The following ZBTB16 variants were observed in gnomAD, a reference collection of about 807,000 sequenced individuals.
ZBTB16 encodes the protein zinc finger and BTB domain-containing protein 16.
A neutral mutation model predicts 56.8 loss-of-function variants in ZBTB16; 8 were observed. That is an observed-to-expected ratio of 0.14 (90% CI 0.08 to 0.25). ZBTB16 has a LOEUF of 0.25. Among genes scored for constraint, ZBTB16 ranks in the 10% least tolerant of loss-of-function variants. The pLI, the probability that ZBTB16 is intolerant of heterozygous loss-of-function variation, is 1.00. For synonymous variants in ZBTB16, 363 were observed against 368.5 expected (o/e 0.98, Z 0.17); for missense variants, 625 against 903.0 (o/e 0.69, Z 3.95).
intron 4 of ZBTB16, among the ~76,000 whole-genome samples, chr11:114,201,249 G>C (rs768993460): frequency 1.3e-5 from 2 of 152,136 alleles, no homozygotes; most frequent in Middle Eastern, 3.2e-3. Flanking sequence ...GTGGGAGGAG[G>C]GGGAGGAGGA....
At chr11:114,245,085 G>A (rs1361491460) in intron 5 of ZBTB16, among the ~76,000 whole-genome samples, 4 of 152,204 alleles carry the variant, frequency 2.6e-5, no homozygotes, top group Non-Finnish European at 4.4e-5. Flanking sequence ...GTGGGTTCGG[G>A]TGCACACACA....
chr11:114,163,934 T>C (rs1335703402), intron 3 of ZBTB16, among the ~76,000 whole-genome samples: 5 of 152,254 alleles, frequency 3.3e-5, no homozygotes, highest in African/African-American at 1.2e-4. Context: ...AGATTTTGCT[T>C]CCTGTAGAGC....
At chr11:114,196,764 T>C (rs1387729036) in intron 4 of ZBTB16, among the ~76,000 whole-genome samples, 2 of 151,224 alleles carry the variant, frequency 1.3e-5, no homozygotes, top group Non-Finnish European at 2.9e-5. Context: ...TGAACTTGCC[T>C]TAGGTACAGA....
At chr11:114,100,221 G>A (rs1245463595) in intron 2 of ZBTB16, among the ~76,000 whole-genome samples, 5 of 152,220 alleles carry the variant, frequency 3.3e-5, no homozygotes, top group Admixed American at 1.3e-4. Context: ...CTTTCTCCAC[G>A]TAATGCTAAA....
At chr11:114,201,393 C>T (rs1298824183) in intron 4 of ZBTB16, among the ~76,000 whole-genome samples, 1 of 152,174 alleles carries the variant, frequency 6.6e-6, no homozygotes, top group Non-Finnish European at 1.5e-5. Context: ...GGGTTGCTCC[C>T]TGAGGAATCC....
In ZBTB16 at chr11:114,181,445, G is replaced by T. The variant is rs140953009; in HGVS notation, c.1367-5507G>T. ...CTGATCTGTCTGACCCAAATGTTGA[G>T]TTCTTAACCACACTGCACTGCCTCC... On this transcript the variant is annotated intron_variant, in intron 3 of 6. Coordinates refer to ENST00000335953, the MANE Select transcript of ZBTB16 (RefSeq NM_006006.6). 1.6e-3 allele frequency among the ~76,000 whole-genome samples: 244 copies of T among 152,328 alleles called. 2 individuals carry two copies. The highest frequency in any genetic ancestry group is 5.4e-3 in the African/African-American group (226 of 41,568).
At chr11:114,072,443 C>T (rs148118273) in intron 2 of ZBTB16, among the ~76,000 whole-genome samples, 2 of 152,276 alleles carry the variant, frequency 1.3e-5, no homozygotes, top group South Asian at 2.1e-4. Context: ...CGTGGCCAGG[C>T]GTGCACATCA....
intron 2 of ZBTB16, among the ~76,000 whole-genome samples, chr11:114,071,910 C>G (rs1217918332): frequency 6.6e-6 from 1 of 152,100 alleles, no homozygotes; most frequent in Non-Finnish European, 1.5e-5. Flanking sequence ...CTAACTGTGA[C>G]AGTGGTTGTG....
At chr11:114,134,139 CCACACTTAAT>C (rs1241797150) in intron 2 of ZBTB16, among the ~76,000 whole-genome samples, 1 of 152,138 alleles carries the variant, frequency 6.6e-6, no homozygotes, top group Admixed American at 6.5e-5. Context: ...AATGTGGGCT[CCACACTTAAT>C]TTAGTAGGAC....
chr11:114,144,287 C>T (rs1414381144), intron 2 of ZBTB16, among the ~76,000 whole-genome samples: 1 of 152,056 alleles, frequency 6.6e-6, no homozygotes, highest in African/African-American at 2.4e-5. Flanking sequence ...GCCACCAACC[C>T]CTGTCCTTTT....
In ZBTB16 at chr11:114,159,942, G is replaced by GGGT. The variant is rs201577747; in HGVS notation, c.1366+3510_1366+3511insTGG. On this transcript the variant is annotated intron_variant, in intron 3 of 6. Coordinates refer to ENST00000335953, the MANE Select transcript of ZBTB16 (RefSeq NM_006006.6). ...AGAACCCTGGGCGGGGGAGGCGGGG[G>GGGT]GGAGGCGAGCATTTTTTTTCAAAAG... is the stretch of plus-strand genomic sequence containing the variant. Among the ~76,000 whole-genome samples the GGGT allele has an allele frequency of 4.1e-5, 6 of 148,012 alleles. 1 individual carries two copies. Among genetic ancestry groups the GGGT allele is most frequent in the African/African-American group, 1.5e-4 (6 of 39,498 alleles).
chr11:114,224,420 T>C (rs1465288944), intron 4 of ZBTB16, among the ~76,000 whole-genome samples: 2 of 152,210 alleles, frequency 1.3e-5, no homozygotes, highest in East Asian at 3.9e-4. Flanking sequence ...TTTTTTATTG[T>C]TATCGTTAGG....
At chr11:114,231,910 G>T (rs1055512770) in intron 4 of ZBTB16, among the ~76,000 whole-genome samples, 1 of 152,176 alleles carries the variant, frequency 6.6e-6, no homozygotes, top group African/African-American at 2.4e-5. Flanking sequence ...TCATTTTACT[G>T]TTGAGGAAAC....
At chr11:114,172,640 C>T (rs574130996) in intron 3 of ZBTB16, among the ~76,000 whole-genome samples, 6 of 152,316 alleles carry the variant, frequency 3.9e-5, no homozygotes, top group African/African-American at 7.2e-5. Context: ...ACAGATTGCA[C>T]GTTTGCAGAT....
At chr11:114,243,862 C>G (rs2135203137) in intron 5 of ZBTB16, among the ~76,000 whole-genome samples, 1 of 152,284 alleles carries the variant, frequency 6.6e-6, no homozygotes. Flanking sequence ...TCTGACCATG[C>G]CACCTTCTCA....
intron 4 of ZBTB16, among the ~76,000 whole-genome samples, chr11:114,227,442 C>T (rs1423645105): frequency 6.6e-6 from 1 of 152,224 alleles, no homozygotes; most frequent in Non-Finnish European, 1.5e-5. Flanking sequence ...CCAGAGAAAT[C>T]AAATTCATTT....
chr11:114,205,466 A>G (rs970480850), intron 4 of ZBTB16, among the ~76,000 whole-genome samples: 5 of 151,948 alleles, frequency 3.3e-5, no homozygotes, highest in African/African-American at 1.2e-4. Context: ...GCTAACAGAG[A>G]GATTGTAGGT....
At chr11:114,123,970 A>G (rs1488182628) in intron 2 of ZBTB16, among the ~76,000 whole-genome samples, 1 of 152,138 alleles carries the variant, frequency 6.6e-6, no homozygotes, top group Non-Finnish European at 1.5e-5. Context: ...TTAAACTTGG[A>G]ACCCATGAAC....
At chr11:114,159,018 G>T (rs1257599881) in intron 3 of ZBTB16, among the ~76,000 whole-genome samples, 1 of 152,226 alleles carries the variant, frequency 6.6e-6, no homozygotes, top group African/African-American at 2.4e-5. Context: ...GTGACCCAGT[G>T]TGAGTTAGCC....
Sources: allele counts gnomAD v4.1 joint callset (sites outside exome capture counted in the v4.1 genomes callset), GRCh38; gene constraint gnomAD v4.1.1; transcripts MANE v1.5; gene names NCBI Gene and HGNC (gene_info 2026-07-23, HGNC 2026-07-21).